GRM7: variants seen among roughly 807,000 people sequenced by gnomAD.
GRM7 encodes the protein glutamate metabotropic receptor 7, also known as metabotropic glutamate receptor 7.
A neutral mutation model predicts 84.5 loss-of-function variants in GRM7; 35 were observed. The ratio of observed to expected loss-of-function variants is 0.41; its 90% CI spans 0.32 to 0.55. The LOEUF (loss-of-function observed/expected upper bound fraction) is 0.55, where lower values mean the gene tolerates loss of function less well. GRM7 is among the 20% of genes least tolerant of loss of function. The pLI is 0.19. For synonymous variants in GRM7, 487 were observed against 455.1 expected, an observed-to-expected ratio of 1.07 and a Z score of -0.89; for missense variants, 1,003 against 1,194.6, an observed-to-expected ratio of 0.84 and a Z score of 2.36.
At chr3:7,588,248 C>G (rs944353828) in intron 8 of GRM7, among the ~76,000 whole-genome samples, 1 of 152,132 alleles carries the variant, frequency 6.6e-6, no homozygotes, top group Non-Finnish European at 1.5e-5. Context: ...GCAAGCAGTT[C>G]CTAATGAATA....
chr3:6,992,781 G>A, intron 1 of GRM7, among the ~76,000 whole-genome samples: 1 of 152,180 alleles, frequency 6.6e-6, no homozygotes, highest in East Asian at 1.9e-4. Flanking sequence ...GTTACTTCCA[G>A]CTCCTTCTCC....
intron 4 of GRM7, among the ~76,000 whole-genome samples, chr3:7,385,578 G>T (rs1694756528): frequency 6.6e-6 from 1 of 152,218 alleles, no homozygotes; most frequent in Middle Eastern, 3.4e-3. Flanking sequence ...GGGATTACAG[G>T]TGTGAGCCAC....
At chr3:7,381,826 A>G (rs1559282239) in intron 4 of GRM7, among the ~76,000 whole-genome samples, 1 of 152,134 alleles carries the variant, frequency 6.6e-6, no homozygotes, top group Admixed American at 6.5e-5. Flanking sequence ...AGTGATAATA[A>G]TGGGAGAATC....
intron 6 of GRM7, among the ~76,000 whole-genome samples, chr3:7,457,569 A>G (rs1264228553): frequency 6.6e-6 from 1 of 152,164 alleles, no homozygotes; most frequent in African/African-American, 2.4e-5. Flanking sequence ...AGTAGGTTAT[A>G]TTTTGTAGAG....
At chr3:6,989,399 T>TTCCTTAAGATGTCA (rs1287591556) in intron 1 of GRM7, among the ~76,000 whole-genome samples, 12 of 152,222 alleles carry the variant, frequency 7.9e-5, no homozygotes, top group Non-Finnish European at 1.8e-4. Flanking sequence ...GGACAGTGAA[T>TTCCTTAAGATGTCA]TCCTTAAGAT....
At chr3:7,327,287 A>T (rs1701025646) in intron 4 of GRM7, among the ~76,000 whole-genome samples, 1 of 152,180 alleles carries the variant, frequency 6.6e-6, no homozygotes, top group Non-Finnish European at 1.5e-5. Context: ...TTATTGCCAG[A>T]TCTCAGGGTG....
At chr3:7,497,452 T>C (rs546026938) in intron 7 of GRM7, among the ~76,000 whole-genome samples, 15 of 152,298 alleles carry the variant, frequency 9.8e-5, no homozygotes, top group South Asian at 6.2e-4. Context: ...CCTAGAATTA[T>C]CTAGATTTAC....
At chr3:7,091,561 T>A (rs1330451660) in intron 1 of GRM7, among the ~76,000 whole-genome samples, 1 of 151,844 alleles carries the variant, frequency 6.6e-6, no homozygotes. Context: ...TTTTGGATTT[T>A]CACTCCCTTC....
intron 2 of GRM7, among the ~76,000 whole-genome samples, chr3:7,236,326 G>T (rs921446922): frequency 6.6e-6 from 1 of 152,082 alleles, no homozygotes; most frequent in Non-Finnish European, 1.5e-5. Context: ...TCAGTGCTTT[G>T]TCTTACTTTA....
chr3:7,405,020 T>C (rs907969786), intron 4 of GRM7, among the ~76,000 whole-genome samples: 1 of 152,158 alleles, frequency 6.6e-6, no homozygotes, highest in African/African-American at 2.4e-5. Flanking sequence ...CCGGAACTTC[T>C]ATGAGAACCA....
chr3:7,630,981 C>T (rs917299012), intron 8 of GRM7, among the ~76,000 whole-genome samples: 8 of 152,152 alleles, frequency 5.3e-5, no homozygotes, highest in Admixed American at 1.3e-4. Flanking sequence ...ATCACTGTAA[C>T]CCTTGGATGT....
At chr3:6,911,722 A>G (rs1469167797) in intron 1 of GRM7, among the ~76,000 whole-genome samples, 3 of 152,112 alleles carry the variant, frequency 2.0e-5, no homozygotes, top group African/African-American at 4.8e-5. Context: ...GCTTATTTCC[A>G]TTCATTTATG....
chr3:7,102,794 T>C (rs1699158439), intron 1 of GRM7, among the ~76,000 whole-genome samples: 1 of 151,330 alleles, frequency 6.6e-6, no homozygotes, highest in South Asian at 2.1e-4. Flanking sequence ...TGCTTTTCAG[T>C]TCAATGGCCC....
chr3:6,899,653 T>C (rs1239194453), intron 1 of GRM7, among the ~76,000 whole-genome samples: 3 of 152,186 alleles, frequency 2.0e-5, no homozygotes, highest in South Asian at 2.1e-4. Flanking sequence ...TTTACAGTGA[T>C]TGGATGCCAG....
At chr3:6,912,130 C>T (rs1441697719) in intron 1 of GRM7, among the ~76,000 whole-genome samples, 1 of 152,068 alleles carries the variant, frequency 6.6e-6, no homozygotes, top group Admixed American at 6.6e-5. Flanking sequence ...TTTTGAATAT[C>T]ACCTATGCTC....
chr3:7,557,539 A>T (rs17047590), intron 7 of GRM7, among the ~76,000 whole-genome samples: 22,413 of 152,014 alleles, frequency 0.15, 2,030 homozygotes, highest in African/African-American at 0.25. Flanking sequence ...GTGCTTTTAG[A>T]TTTTCAGGGT....
chr3:7,663,346 G>C (rs1405389552), intron 8 of GRM7, among the ~76,000 whole-genome samples: 3 of 152,142 alleles, frequency 2.0e-5, no homozygotes, highest in Non-Finnish European at 2.9e-5. Context: ...GTATATCCTA[G>C]TCATTATTTG....
chr3:7,388,575 CT>C (rs1694874035), intron 4 of GRM7, among the ~76,000 whole-genome samples: 1 of 151,962 alleles, frequency 6.6e-6, no homozygotes, highest in East Asian at 1.9e-4. Context: ...TGGTCCAAGG[CT>C]TTTTTTGGTT....
chr3:7,041,137 C>G (rs1321778915), intron 1 of GRM7, among the ~76,000 whole-genome samples: 1 of 151,418 alleles, frequency 6.6e-6, no homozygotes, highest in Admixed American at 6.6e-5. Context: ...TTTCAACCAC[C>G]TTTATCAAGT....
Sources: gnomAD v4.1 joint callset for allele counts (sites outside exome capture counted in the v4.1 genomes callset) on GRCh38, gnomAD v4.1.1 for gene constraint, MANE v1.5 for transcripts, NCBI Gene and HGNC (gene_info 2026-07-23, HGNC 2026-07-21) for gene names.